Variants in PRIMPOL observed in about 807,000 individuals in gnomAD.
PRIMPOL encodes primase and DNA directed polymerase.
Under a neutral mutation model 63.6 loss-of-function variants are expected in PRIMPOL, and 54 were observed. That is an observed-to-expected ratio of 0.85 (90% CI 0.68 to 1.07). The LOEUF (loss-of-function observed/expected upper bound fraction) is 1.07, where lower values mean the gene tolerates loss of function less well. Among genes scored for constraint, PRIMPOL ranks in the 50% least tolerant of loss-of-function variants. The pLI, the probability that PRIMPOL is intolerant of heterozygous loss-of-function variation, is 0.00. For synonymous variants in PRIMPOL, 197 were observed against 220.2 expected (o/e 0.89, Z 0.93); for missense variants, 610 against 648.3 (o/e 0.94, Z 0.64).
intron 3 of PRIMPOL, among the ~76,000 whole-genome samples, chr4:184,658,035 T>TAAATATAA (rs1553988171): frequency 6.8e-6 from 1 of 147,126 alleles, no homozygotes. Flanking sequence ...AATAAATAAA[T>TAAATATAA]ATCACTAAAT....
chr4:184,680,048 C>A (rs1178283779), intron 8 of PRIMPOL, among the ~76,000 whole-genome samples: 1 of 152,198 alleles, frequency 6.6e-6, no homozygotes, highest in African/African-American at 2.4e-5. Flanking sequence ...AAGAATCTAT[C>A]CATGGCCTTA....
chr4:184,684,221 G>A (rs1756399000), intron 9 of PRIMPOL, among the ~76,000 whole-genome samples: 2 of 152,124 alleles, frequency 1.3e-5, no homozygotes. Context: ...ACTTTGGGAG[G>A]CCAAGGCAGG....
At chr4:184,692,706 T>C (rs73014820) in intron 13 of PRIMPOL, among the ~76,000 whole-genome samples, 8,464 of 152,024 alleles carry the variant, frequency 0.056, 757 homozygotes, top group African/African-American at 0.19. Context: ...TATTATCAAA[T>C]TGCTCTCCAT....
intron 8 of PRIMPOL, among the ~76,000 whole-genome samples, chr4:184,679,728 G>A (rs1318699869): frequency 2.0e-5 from 3 of 152,076 alleles, no homozygotes; most frequent in South Asian, 2.1e-4. Context: ...CCTCAGCTCC[G>A]CCTCCTGCCA....
Position 184,672,238 on chromosome 4 carries a change from G to T in PRIMPOL, c.622G>T (p.Ala208Ser), listed in dbSNP as rs764197991. Residue 208 changes from alanine (A) to serine (S), a missense_variant, in exon 7 of 14, where the codon GCT becomes TCT. By Grantham distance (99) the Ala-to-Ser change is moderately conservative. Coordinates refer to ENST00000314970, the MANE Select transcript of PRIMPOL (RefSeq NM_152683.4). ...GCTTGGCAGTGAAGATGATGATAGC[G>T]CTCCAGAGACAACAGGCCATGGATT... ...DLLGSEDDDSAPETTGHGFPH... is the reference protein window; with the variant it reads ...DLLGSEDDDSSPETTGHGFPH... 6.2e-7 allele frequency: 1 copy of T among 1,613,972 alleles called. No individual in the cohort carries two copies.
rs773359056 is a variant in PRIMPOL at position 184,659,343 on chromosome 4, G to A, written c.184G>A (p.Val62Ile). ...ATTCTTTTTTGATTTTATGCAGGACGTTCATGTATTTGCTTTGGAATGCAA... is the reference window on the plus strand; with the variant it reads ...ATTCTTTTTTGATTTTATGCAGGACATTCATGTATTTGCTTTGGAATGCAA... ...FNFVKSCKED[V>I]HVFALECKVG... is the part of the protein sequence containing the mutation. The change falls in exon 4 of 14, where the codon GTT (valine) becomes ATT (isoleucine). Residue 62 changes from valine to isoleucine, a missense_variant. Val to Ile is a conservative substitution (Grantham distance 29, BLOSUM62 3). This residue lies in a region of PRIMPOL where 159 missense variants were observed against 168.9 expected (regional missense o/e 0.94). Transcript: ENST00000314970. 24 of 1,610,602 alleles carry A rather than the reference G, an allele frequency of 1.5e-5. No individual in the cohort carries two copies. The South Asian group carries it at 2.1e-4, about 14-fold the overall frequency.
intron 8 of PRIMPOL, 104 bp downstream of exon 8, chr4:184,678,498 C>T: frequency 1.3e-6 from 1 of 793,096 alleles, no homozygotes; most frequent in South Asian, 1.8e-5. Context: ...TTCATTCTAC[C>T]TTAAGAAAAT....
intron 5 of PRIMPOL, among the ~76,000 whole-genome samples, chr4:184,665,066 A>G (rs766020282): frequency 2.0e-5 from 3 of 152,192 alleles, no homozygotes; most frequent in Non-Finnish European, 4.4e-5. Context: ...ATTTTTGCTC[A>G]TGTCAAGATA....
chr4:184,675,823 A>G (rs1408383313), intron 7 of PRIMPOL, among the ~76,000 whole-genome samples: 1 of 152,036 alleles, frequency 6.6e-6, no homozygotes, highest in Non-Finnish European at 1.5e-5. Flanking sequence ...TATCAAAAAC[A>G]AACAAACAAA....
chr4:184,661,708 C>A, intron 4 of PRIMPOL, 66 bp from the exon 5 acceptor site: 1 of 1,120,706 alleles, frequency 8.9e-7, no homozygotes, highest in Non-Finnish European at 1.3e-6. Flanking sequence ...CAGTCTCAGT[C>A]AGTCAATCAA....
Position 184,674,695 on chromosome 4 carries a change from G to A in PRIMPOL, c.844+2235G>A, listed in dbSNP as rs368886615. Among the ~76,000 whole-genome samples the A allele has an allele frequency of 6.6e-5, 10 of 152,272 alleles. No homozygotes were observed. In the East Asian group the frequency reaches 7.7e-4, roughly 12 times the overall value. On this transcript the variant is annotated intron_variant, in intron 7 of 13. Transcript: ENST00000314970. ...AGTTGATTAACCATGTTTTGTATAC[G>A]TATTATATACTGGATTCTTACAGTG...
At chr4:184,660,657 T>TG (rs1748075792) in intron 4 of PRIMPOL, among the ~76,000 whole-genome samples, 1 of 152,216 alleles carries the variant, frequency 6.6e-6, no homozygotes, top group Admixed American at 6.5e-5. Context: ...ATGAAAATCA[T>TG]TAAGACAATG....
intron 5 of PRIMPOL, 34 bp from the exon 6 acceptor site, chr4:184,665,883 A>T: frequency 7.0e-7 from 1 of 1,437,604 alleles, no homozygotes; most frequent in Non-Finnish European, 9.4e-7. Context: ...AAAACAAAAA[A>T]TATAAATTAT....
At position 184,691,652 on chromosome 4, in the gene PRIMPOL, T is replaced by G. The variant is rs1398201577; in HGVS notation, c.1379-14T>G. ...ACTGTAATATGTAATAGTTTTGCTATCTTTCTGATTCAGGTTTCCCATTAC... is the reference window on the plus strand; with the variant it reads ...ACTGTAATATGTAATAGTTTTGCTAGCTTTCTGATTCAGGTTTCCCATTAC... On this transcript the variant is annotated splice_polypyrimidine_tract_variant and intron_variant, in intron 12 of 13. Coordinates refer to ENST00000314970, the MANE Select transcript of PRIMPOL (RefSeq NM_152683.4). The G allele has an allele frequency of 6.2e-7, 1 of 1,610,604 alleles. No individual in the cohort carries two copies. Among genetic ancestry groups the G allele is most frequent in the Non-Finnish European group, 8.5e-7 (1 of 1,177,136 alleles).
rs1175567666 is a variant in PRIMPOL, at chr4:184,694,520, A to G, written c.1426-2A>G. The G allele has an allele frequency of 1.2e-6, 2 of 1,607,414 alleles. No individual in the cohort carries two copies. The highest frequency in any genetic ancestry group is 1.7e-6 in the Non-Finnish European group (2 of 1,176,100). On this transcript the variant is annotated splice_acceptor_variant, in intron 13 of 13. Coordinates refer to ENST00000314970, the MANE Select transcript of PRIMPOL (RefSeq NM_152683.4). LOFTEE classifies it high-confidence loss of function. The stretch of plus-strand genomic sequence containing the variant: ...CTCTATCCCTTCACCACTGAAATAA[A>G]GGAAGAAGAGTTTACAACAGATGAA...
Position 184,657,123 on chromosome 4 carries a change from C to T in PRIMPOL, c.-18C>T. 6.4e-7 allele frequency: 1 copy of T among 1,560,296 alleles called. No individual in the cohort carries two copies. The highest frequency in any genetic ancestry group is 8.7e-7 in the Non-Finnish European group (1 of 1,153,176). On this transcript the variant is annotated 5_prime_UTR_variant, in exon 3 of 14. Transcript: ENST00000314970. ...TATTACGTGGGATAGGATTTATTCT[C>T]TCCACACTTCTGAACCAATGAATAG...
At chr4:184,659,700 GTATTAAATTATAC>G (rs1747727339) in intron 4 of PRIMPOL, among the ~76,000 whole-genome samples, 1 of 151,982 alleles carries the variant, frequency 6.6e-6, no homozygotes, top group South Asian at 2.1e-4. Flanking sequence ...TTGCAAACAG[GTATTAAATTATAC>G]TATTAATCAC....
At chr4:184,658,888 A>G (rs1384121404) in intron 3 of PRIMPOL, among the ~76,000 whole-genome samples, 2 of 150,060 alleles carry the variant, frequency 1.3e-5, no homozygotes, top group Admixed American at 6.7e-5. Context: ...GGCCTGGGCA[A>G]CAGAGCAAGA....
At chr4:184,675,097 T>C (rs1000401498) in intron 7 of PRIMPOL, among the ~76,000 whole-genome samples, 1 of 152,214 alleles carries the variant, frequency 6.6e-6, no homozygotes, top group Non-Finnish European at 1.5e-5. Context: ...CCTGCTCACA[T>C]GGAGATGATT....
Sources: allele counts gnomAD v4.1 joint callset (sites outside exome capture counted in the v4.1 genomes callset), GRCh38; gene constraint gnomAD v4.1.1; regional missense constraint gnomAD v4.1.1; transcripts MANE v1.5; gene names NCBI Gene and HGNC (gene_info 2026-07-23, HGNC 2026-07-21).